Variants in SLC24A2 observed in about 807,000 individuals in gnomAD.
SLC24A2 encodes the protein solute carrier family 24 member 2.
A neutral mutation model predicts 62.0 loss-of-function variants in SLC24A2; 36 were observed. That is an observed-to-expected ratio of 0.58 (90% CI 0.44 to 0.77). The LOEUF (loss-of-function observed/expected upper bound fraction) is 0.77. Among genes scored for constraint, SLC24A2 ranks in the 30% least tolerant of loss-of-function variants. The probability of loss-of-function intolerance (pLI) is 0.00; values close to 1 mark genes in which losing one functional copy is unlikely to be tolerated. For synonymous variants in SLC24A2, 358 were observed against 294.0 expected, an observed-to-expected ratio of 1.22 and a Z score of -2.23; for missense variants, 846 against 817.9, an observed-to-expected ratio of 1.03 and a Z score of -0.42.
At chr9:19,863,731 A>G in the SLC24A2 span, among the ~76,000 whole-genome samples, 2 of 151,938 alleles carry the variant, frequency 1.3e-5, no homozygotes, top group Non-Finnish European at 2.9e-5. Context: ...GTTTATAGCT[A>G]TAAGTGCCCA....
chr9:19,809,866 G>A, the SLC24A2 span, among the ~76,000 whole-genome samples: 1 of 151,982 alleles, frequency 6.6e-6, no homozygotes, highest in Admixed American at 6.6e-5. Context: ...TCTATAGAGA[G>A]AGCTGTTTTA....
the SLC24A2 span, among the ~76,000 whole-genome samples, chr9:20,302,597 A>C: frequency 1.3e-5 from 2 of 151,960 alleles, no homozygotes; most frequent in East Asian, 1.9e-4. Flanking sequence ...TTTGGTGTTG[A>C]GTTTTTTTTA....
the SLC24A2 span, among the ~76,000 whole-genome samples, chr9:20,277,716 A>T: frequency 6.6e-6 from 1 of 152,190 alleles, no homozygotes; most frequent in South Asian, 2.1e-4. Flanking sequence ...ATACCATTTG[A>T]CCCAGCCATC....
intron 2 of SLC24A2, among the ~76,000 whole-genome samples, chr9:19,665,924 G>T (rs1357399546): frequency 6.6e-6 from 1 of 152,078 alleles, no homozygotes; most frequent in African/African-American, 2.4e-5. Flanking sequence ...CTTCCAAAGT[G>T]CTGGGATTAC....
At chr9:19,984,187 T>C in the SLC24A2 span, among the ~76,000 whole-genome samples, 1 of 152,188 alleles carries the variant, frequency 6.6e-6, no homozygotes, top group Non-Finnish European at 1.5e-5. Flanking sequence ...ACAAATTCAA[T>C]ACAATCTCTA....
the SLC24A2 span, among the ~76,000 whole-genome samples, chr9:20,108,977 A>G: frequency 1.3e-5 from 2 of 152,352 alleles, no homozygotes; most frequent in East Asian, 3.9e-4. Flanking sequence ...ATGATAATGC[A>G]TATTTTAACT....
chr9:19,907,745 G>C, the SLC24A2 span, among the ~76,000 whole-genome samples: 1 of 152,270 alleles, frequency 6.6e-6, no homozygotes, highest in Admixed American at 6.5e-5. Flanking sequence ...TTGCTTCAAA[G>C]AGAATAAAAT....
the SLC24A2 span, among the ~76,000 whole-genome samples, chr9:19,801,065 C>T: frequency 6.6e-6 from 1 of 152,230 alleles, no homozygotes; most frequent in East Asian, 1.9e-4. Flanking sequence ...GCTCCCAGAG[C>T]TCCCAAGATG....
At chr9:19,916,462 T>G in the SLC24A2 span, among the ~76,000 whole-genome samples, 22 of 152,188 alleles carry the variant, frequency 1.4e-4, 1 homozygote, top group Non-Finnish European at 3.2e-4. Context: ...CCTAAGAATT[T>G]AAGATAAAAA....
At chr9:19,878,222 A>G in the SLC24A2 span, among the ~76,000 whole-genome samples, 2 of 152,182 alleles carry the variant, frequency 1.3e-5, no homozygotes, top group African/African-American at 2.4e-5. Flanking sequence ...GTTTGCAGCA[A>G]TCCTGGGAAA....
chr9:19,728,995 T>A (rs1821255692), intron 2 of SLC24A2, among the ~76,000 whole-genome samples: 1 of 152,210 alleles, frequency 6.6e-6, no homozygotes, highest in Non-Finnish European at 1.5e-5. Flanking sequence ...GACTTACTCA[T>A]CTTTAGAACA....
chr9:19,517,364 A>G (rs1832982772), intron 10 of SLC24A2, among the ~76,000 whole-genome samples: 1 of 152,186 alleles, frequency 6.6e-6, no homozygotes, highest in South Asian at 2.1e-4. Flanking sequence ...AGGGAGGTTC[A>G]GTTTTGGCCT....
chr9:20,207,596 T>A, the SLC24A2 span, among the ~76,000 whole-genome samples: 2 of 152,254 alleles, frequency 1.3e-5, no homozygotes, highest in Non-Finnish European at 2.9e-5. Flanking sequence ...CTTTCTAGAC[T>A]GTCTCACACC....
the SLC24A2 span, among the ~76,000 whole-genome samples, chr9:20,053,924 T>A: frequency 7.5e-6 from 1 of 133,796 alleles, no homozygotes. Context: ...ATTGTATCAA[T>A]GTTTAGGTCC....
chr9:20,076,948 T>C, the SLC24A2 span, among the ~76,000 whole-genome samples: 1 of 147,672 alleles, frequency 6.8e-6, no homozygotes, highest in Non-Finnish European at 1.5e-5. Context: ...ATATATTATA[T>C]AATGAAATAT....
At chr9:20,033,860 G>C in the SLC24A2 span, among the ~76,000 whole-genome samples, 1 of 152,148 alleles carries the variant, frequency 6.6e-6, no homozygotes, top group African/African-American at 2.4e-5. Flanking sequence ...GCAGCCCTTA[G>C]GGCTGCTCTG....
chr9:19,860,298 T>C, the SLC24A2 span, among the ~76,000 whole-genome samples: 1 of 152,130 alleles, frequency 6.6e-6, no homozygotes, highest in Non-Finnish European at 1.5e-5. Flanking sequence ...CATGAGACCC[T>C]TTTTCCAGGC....
intron 7 of SLC24A2, among the ~76,000 whole-genome samples, chr9:19,551,903 G>C (rs910016972): frequency 6.6e-6 from 1 of 152,144 alleles, no homozygotes; most frequent in Non-Finnish European, 1.5e-5. Flanking sequence ...TTTAAAAAAG[G>C]GATGCGAAGC....
the SLC24A2 span, among the ~76,000 whole-genome samples, chr9:20,059,174 T>A: frequency 6.6e-6 from 1 of 152,190 alleles, no homozygotes; most frequent in South Asian, 2.1e-4. Context: ...GATGAGAAGA[T>A]TATCCTGGAT....
Sources: allele counts gnomAD v4.1 joint callset (sites outside exome capture counted in the v4.1 genomes callset), GRCh38; gene constraint gnomAD v4.1.1; transcripts MANE v1.5; gene names NCBI Gene and HGNC (gene_info 2026-07-23, HGNC 2026-07-21).